FAM135A: variants seen among roughly 807,000 people sequenced by gnomAD.
FAM135A encodes family with sequence similarity 135 member A.
FAM135A carries 79 observed loss-of-function variants against 146.8 expected under a neutral mutation model. That is an observed-to-expected ratio of 0.54 (90% CI 0.45 to 0.65). The LOEUF is 0.65. Ranked by LOEUF, FAM135A falls within the 30% of genes least tolerant of loss-of-function variation. The pLI is 0.00. For synonymous variants in FAM135A, 562 were observed against 603.6 expected, an observed-to-expected ratio of 0.93 and a Z score of 1.01; for missense variants, 1,623 against 1,758.2, an observed-to-expected ratio of 0.92 and a Z score of 1.38.
At chr6:70,545,733 A>G (rs76755006) in intron 20 of FAM135A, among the ~76,000 whole-genome samples, 19,105 of 152,140 alleles carry the variant, frequency 0.13, 1,446 homozygotes, top group Middle Eastern at 0.19. Flanking sequence ...TCTAGGTGTG[A>G]TTTAAACACA....
chr6:70,528,655 T>C (rs915104628), intron 16 of FAM135A, among the ~76,000 whole-genome samples: 13 of 152,048 alleles, frequency 8.5e-5, no homozygotes, highest in Non-Finnish European at 1.9e-4. Flanking sequence ...GTAAGTAAAT[T>C]TTCCATGGAA....
chr6:70,525,543 G>A lies in FAM135A; in HGVS notation c.2459G>A (p.Gly820Glu). The A allele has an allele frequency of 1.2e-6, 2 of 1,612,512 alleles. No homozygotes were observed. Among genetic ancestry groups the A allele is most frequent in the Non-Finnish European group, 1.7e-6 (2 of 1,179,428 alleles). Residue 820 changes from glycine to glutamate, a missense_variant, in exon 15 of 22, where the codon GGA becomes GAA. By Grantham distance (98) the Gly-to-Glu change is moderately conservative. This residue lies in a region of FAM135A where 1,061 missense variants were observed against 1,113.8 expected (regional missense o/e 0.95). Transcript: ENST00000418814. Reference sequence around the variant, plus strand: ...GATTATAATGTAAAATTTTCATTAGGAAATCATTGTACTGAGAGTACAAGT... The same window carrying A: ...GATTATAATGTAAAATTTTCATTAGAAAATCATTGTACTGAGAGTACAAGT... ...KPDYNVKFSL[G>E]NHCTESTSAI...
chr6:70,497,750 A>T lies in FAM135A; in HGVS notation c.874-4886A>T, dbSNP rs559656584. Reference sequence around the variant, plus strand: ...AAAGGCCTTTTCTGCATCTATTGAGATAATCATGTGGCTTATGGATTACAT... The same window carrying T: ...AAAGGCCTTTTCTGCATCTATTGAGTTAATCATGTGGCTTATGGATTACAT... On this transcript the variant is annotated intron_variant, in intron 11 of 21. Transcript: ENST00000418814. Among the ~76,000 whole-genome samples, 18 of 151,782 alleles carry T rather than the reference A, an allele frequency of 1.2e-4. No individual in the cohort carries two copies. In the South Asian group the frequency reaches 3.3e-3, roughly 28 times the overall value.
In FAM135A at chr6:70,488,200, G is replaced by T. The variant is rs140468096; in HGVS notation, c.824-2834G>T. Reference sequence around the variant, plus strand: ...AAACAAAGATCAATGCCCATTATTTGGGCAAAGAGTGGAATACAGAATATA... The same window carrying T: ...AAACAAAGATCAATGCCCATTATTTTGGCAAAGAGTGGAATACAGAATATA... On this transcript the variant is annotated intron_variant, in intron 10 of 21. Transcript: ENST00000418814. Among the ~76,000 whole-genome samples, 471 of 152,096 alleles carry T rather than the reference G, an allele frequency of 3.1e-3. 3 individuals carry two copies. Among genetic ancestry groups the T allele is most frequent in the African/African-American group, 0.011 (446 of 41,494 alleles).
rs543286218 is a variant in FAM135A, at chr6:70,554,623, G to C, written c.4229-2127G>C. On this transcript the variant is annotated intron_variant, in intron 20 of 21. Transcript: ENST00000418814. ...ACAGGTTCATTTATTTGGTTTTGGGGGGTTTTTTTGGTTTTTGTTTTTTGA... is the reference window on the plus strand; with the variant it reads ...ACAGGTTCATTTATTTGGTTTTGGGCGGTTTTTTTGGTTTTTGTTTTTTGA... 3.3e-5 allele frequency among the ~76,000 whole-genome samples: 5 copies of C among 151,984 alleles called. No homozygotes were observed. The East Asian group carries it at 9.7e-4, about 29-fold the overall frequency.
intron 12 of FAM135A, among the ~76,000 whole-genome samples, chr6:70,520,864 A>G (rs1052631478): frequency 1.3e-5 from 2 of 152,230 alleles, no homozygotes; most frequent in African/African-American, 2.4e-5. Context: ...GAGTGAATTT[A>G]GAAAGAACTT....
At chr6:70,453,517 A>C (rs1415953309) in intron 5 of FAM135A, among the ~76,000 whole-genome samples, 1 of 152,016 alleles carries the variant, frequency 6.6e-6, no homozygotes, top group South Asian at 2.1e-4. Context: ...TGCACCCATT[A>C]ATTCATCATT....
chr6:70,517,048 T>C (rs1792433930), intron 12 of FAM135A, among the ~76,000 whole-genome samples: 1 of 152,230 alleles, frequency 6.6e-6, no homozygotes, highest in Admixed American at 6.5e-5. Flanking sequence ...ACTGTGAATG[T>C]CTATTTTCTA....
chr6:70,468,751 A>G (rs962724663), intron 5 of FAM135A, among the ~76,000 whole-genome samples: 6 of 152,184 alleles, frequency 3.9e-5, no homozygotes, highest in Non-Finnish European at 5.9e-5. Flanking sequence ...ACAGCCTTCT[A>G]GGAGCCCAGT....
chr6:70,427,496 C>T (rs1453685612), intron 3 of FAM135A, among the ~76,000 whole-genome samples: 1 of 149,318 alleles, frequency 6.7e-6, no homozygotes, highest in African/African-American at 2.5e-5. Flanking sequence ...CGCGCCACTG[C>T]ACTCCAGCCT....
At chr6:70,444,234 C>G (rs1036683873) in intron 4 of FAM135A, among the ~76,000 whole-genome samples, 1 of 152,048 alleles carries the variant, frequency 6.6e-6, no homozygotes, top group African/African-American at 2.4e-5. Context: ...GAAACTCTGT[C>G]TCTGCTAAAA....
At chr6:70,426,890 G>A (rs951875675) in intron 3 of FAM135A, 3 of 152,120 alleles carry the variant, frequency 2.0e-5, no homozygotes, top group African/African-American at 7.2e-5. Context: ...CAGAACAGTA[G>A]ACAAATCTGC....
intron 4 of FAM135A, among the ~76,000 whole-genome samples, chr6:70,430,948 T>G (rs77651299): frequency 1.2e-4 from 19 of 152,262 alleles, no homozygotes; most frequent in South Asian, 6.2e-4. Flanking sequence ...TGCTTGGAAA[T>G]TAATTTGCTA....
At chr6:70,552,252 T>TTA (rs1007606564) in intron 20 of FAM135A, among the ~76,000 whole-genome samples, 2 of 152,156 alleles carry the variant, frequency 1.3e-5, no homozygotes, top group Non-Finnish European at 2.9e-5. Flanking sequence ...ATAATGTATC[T>TTA]TATATAAGTA....
Position 70,524,525 on chromosome 6 carries a change from A to C in FAM135A, c.1441A>C (p.Lys481Gln). 1.3e-6 allele frequency: 2 copies of C among 1,551,154 alleles called. No homozygotes were observed. The highest frequency in any genetic ancestry group is 1.7e-6 in the Non-Finnish European group (2 of 1,146,746). ...TGAAAAGCAGCTAACAAAATCTCTA[A>C]AAGGAAAGAATGAAGAATCAAATAA... is the stretch of plus-strand genomic sequence containing the variant. ...EGEKQLTKSL[K>Q]GKNEESNKSK... is the part of the protein sequence containing the mutation. Residue 481 changes from lysine to glutamine, a missense_variant, in exon 15 of 22, where the codon AAA becomes CAA. By Grantham distance (53) the Lys-to-Gln change is moderately conservative. This residue lies in a region of FAM135A where 1,061 missense variants were observed against 1,113.8 expected (regional missense o/e 0.95). Coordinates refer to ENST00000418814, the MANE Select transcript of FAM135A (RefSeq NM_001162529.3).
rs9342789 is a variant in FAM135A at position 70,491,189 on chromosome 6, A to G, written c.873+106A>G. The G allele has an allele frequency of 3.1e-3, 2,806 of 917,536 alleles. 93 individuals carry two copies. The East Asian group carries it at 0.07, about 23-fold the overall frequency. 56.8% of individuals were successfully genotyped at this position (917,536 alleles called of 1,614,324 possible). A position where few individuals can be genotyped will look rare whatever the true frequency, so the allele number is the denominator to read the frequency against. ...ACTTAAAGTATTTATAGTTCCTAAA[A>G]TGCAAAGATAAAATGGTTGATCATG... On this transcript the variant is annotated intron_variant, in intron 11 of 21. Transcript: ENST00000418814.
intron 5 of FAM135A, among the ~76,000 whole-genome samples, chr6:70,460,194 T>C (rs905261159): frequency 6.6e-6 from 1 of 152,206 alleles, no homozygotes; most frequent in Non-Finnish European, 1.5e-5. Flanking sequence ...ATTTATCTTA[T>C]TTACACCATT....
At chr6:70,418,635 G>A (rs1480048551) in intron 2 of FAM135A, 2 of 152,290 alleles carry the variant, frequency 1.3e-5, no homozygotes, top group African/African-American at 4.8e-5. Flanking sequence ...TCATTTTAGA[G>A]CAGGGATATA....
At chr6:70,458,661 T>G (rs1421392819) in intron 5 of FAM135A, among the ~76,000 whole-genome samples, 1 of 152,172 alleles carries the variant, frequency 6.6e-6, no homozygotes, top group Non-Finnish European at 1.5e-5. Flanking sequence ...GCCTCTATCT[T>G]ATTAAATGTT....
Sources: gnomAD v4.1 joint callset for allele counts (sites outside exome capture counted in the v4.1 genomes callset) on GRCh38, gnomAD v4.1.1 for gene constraint, gnomAD v4.1.1 regional missense constraint, MANE v1.5 for transcripts, NCBI Gene and HGNC (gene_info 2026-07-23, HGNC 2026-07-21) for gene names.